SYNJ2: variants seen among roughly 807,000 people sequenced by gnomAD.
The protein encoded by SYNJ2 is polyphosphatidylinositol phosphatase SYNJ2.
A neutral mutation model predicts 141.3 loss-of-function variants in SYNJ2; 116 were observed. The ratio of observed to expected loss-of-function variants is 0.82; its 90% CI spans 0.71 to 0.96. The LOEUF (loss-of-function observed/expected upper bound fraction) is 0.96, where lower values mean the gene tolerates loss of function less well. Ranked by LOEUF, SYNJ2 falls within the 40% of genes least tolerant of loss-of-function variation. SYNJ2 has a pLI of 0.00. For synonymous variants in SYNJ2, 745 were observed against 777.7 expected (o/e 0.96, Z 0.70); for missense variants, 1,873 against 1,934.8 (o/e 0.97, Z 0.60).
chr6:158,088,034 ATTTTTTTTTTTTTTTTTTTTTTT>A (rs568222551), intron 23 of SYNJ2, among the ~76,000 whole-genome samples: 9 of 31,922 alleles, frequency 2.8e-4, no homozygotes, highest in East Asian at 3.4e-3. Context: ...CTGCTTTGGA[ATTTTTTTTTTTTTTTTTTTTTTT>A]TTTTTTTTTT....
rs1583419228 is a variant in SYNJ2 at position 158,054,847 on chromosome 6, G to T, written c.796-120G>T. On this transcript the variant is annotated intron_variant, in intron 5 of 26. Transcript: ENST00000355585. ...TCCTGAGCCCTGAAGAGACCACAGAGGTGGCCTAGTGGGTGCCACATGCAG... is the reference window on the plus strand; with the variant it reads ...TCCTGAGCCCTGAAGAGACCACAGATGTGGCCTAGTGGGTGCCACATGCAG... 1.4e-5 allele frequency: 13 copies of T among 930,764 alleles called. No individual in the cohort carries two copies. In the East Asian group the frequency reaches 3.4e-4, roughly 24 times the overall value. 57.7% of individuals were successfully genotyped at this position (930,764 alleles called of 1,614,324 possible).
rs1174211767 is a variant in SYNJ2 at position 158,070,009 on chromosome 6, G to A, written c.1940+336G>A. The A allele has an allele frequency of 1.2e-5, 6 of 487,504 alleles. No individual in the cohort carries two copies. The highest frequency in any genetic ancestry group is 8.8e-4 in the Middle Eastern group (1 of 1,130). The allele number at this position is 487,504 out of a possible 1,614,324, so 30.2% of individuals were successfully genotyped here. Reference sequence around the variant, plus strand: ...CAGGAAACCTCTGACCAAGAGCTGAGTAACTCACTGGGAAATGCCAACTCT... The same window carrying A: ...CAGGAAACCTCTGACCAAGAGCTGAATAACTCACTGGGAAATGCCAACTCT... On this transcript the variant is annotated intron_variant, in intron 14 of 26. Coordinates refer to ENST00000355585, the MANE Select transcript of SYNJ2 (RefSeq NM_003898.4). The surrounding 1 kb of genome is among the most constrained non-coding windows in gnomAD (Gnocchi z 4.0).
Position 158,033,499 on chromosome 6 carries a change from G to T in SYNJ2, c.530G>T (p.Cys177Phe). 1.9e-6 allele frequency: 3 copies of T among 1,614,234 alleles called. No individual in the cohort carries two copies. In the East Asian group the frequency reaches 6.7e-5, roughly 36 times the overall value. ...HVPLRQHQVS[C>F]CDWLLKIICG... ...CCCTTGAGGCAGCACCAGGTGAGCTGCTGTGACTGGCTGCTGAAGATCATC... is the reference window on the plus strand; with the variant it reads ...CCCTTGAGGCAGCACCAGGTGAGCTTCTGTGACTGGCTGCTGAAGATCATC... Residue 177 changes from cysteine (C) to phenylalanine (F), a missense_variant, in exon 4 of 27, where the codon TGC (cysteine) becomes TTC (phenylalanine). Coordinates refer to ENST00000355585, the MANE Select transcript of SYNJ2 (RefSeq NM_003898.4).
Position 158,096,413 on chromosome 6 carries a change from C to G in SYNJ2, c.*49C>G, listed in dbSNP as rs1206400824. The G allele has an allele frequency of 4.6e-6, 7 of 1,517,148 alleles. No individual in the cohort carries two copies. The East Asian group carries it at 9.1e-5, about 20-fold the overall frequency. 94.0% of individuals were successfully genotyped at this position (1,517,148 alleles called of 1,614,324 possible). A position where few individuals can be genotyped will look rare whatever the true frequency, so the allele number is the denominator to read the frequency against. ...TCCTATAGAATGCATACCTTCCTCC[C>G]TCTAGACATCCCTCCACCAGAAGAG... is the stretch of plus-strand genomic sequence containing the variant. On this transcript the variant is annotated 3_prime_UTR_variant, in exon 27 of 27. Coordinates refer to ENST00000355585, the MANE Select transcript of SYNJ2 (RefSeq NM_003898.4).
At chr6:158,011,568 T>C (rs1778271701) in intron 1 of SYNJ2, among the ~76,000 whole-genome samples, 1 of 152,166 alleles carries the variant, frequency 6.6e-6, no homozygotes, top group Admixed American at 6.5e-5. Context: ...GTTTTTAAAA[T>C]ATGAGGATAG....
At chr6:158,056,296 G>A (rs1180508043) in intron 6 of SYNJ2, among the ~76,000 whole-genome samples, 1 of 152,164 alleles carries the variant, frequency 6.6e-6, no homozygotes, top group Non-Finnish European at 1.5e-5. Context: ...CAGAGAATGA[G>A]ACCTCTCTCT....
chr6:158,080,521 C>G (rs1256519078), intron 18 of SYNJ2, among the ~76,000 whole-genome samples: 1 of 148,476 alleles, frequency 6.7e-6, no homozygotes, highest in Non-Finnish European at 1.5e-5. Context: ...TTTTTTTTTC[C>G]CTCCCATCAA....
intron 9 of SYNJ2, among the ~76,000 whole-genome samples, chr6:158,064,119 C>T (rs537022730): frequency 2.6e-4 from 40 of 152,330 alleles, no homozygotes; most frequent in Non-Finnish European, 4.7e-4. Flanking sequence ...CATGGTGGCC[C>T]AAAGGCTCCT....
chr6:158,091,741 C>A (rs1783466159), intron 25 of SYNJ2, among the ~76,000 whole-genome samples: 1 of 142,564 alleles, frequency 7.0e-6, no homozygotes, highest in African/African-American at 2.7e-5. Flanking sequence ...CAGAGCTAGA[C>A]TCTGTCTCAT....
rs765829961 is a variant in SYNJ2 at position 158,086,954 on chromosome 6, G to A, written c.3308G>A (p.Arg1103Gln). Residue 1103 changes from arginine (R) to glutamine (Q), a missense_variant, in exon 23 of 27, where the codon CGG becomes CAG. Arg to Gln is a conservative substitution (Grantham distance 43). Coordinates refer to ENST00000355585, the MANE Select transcript of SYNJ2 (RefSeq NM_003898.4). ...SRSLSVPNRP[R>Q]PPQPPQRPPP... ...TCTCTGTCGGTCCCCAACCGGCCTC[G>A]GCCACCTCAACCCCCGCAGAGACCC... The A allele has an allele frequency of 6.9e-6, 11 of 1,603,008 alleles. No individual in the cohort carries two copies. The highest frequency in any genetic ancestry group is 5.0e-5 in the Admixed American group (3 of 59,894).
chr6:158,093,979 C>A, intron 26 of SYNJ2: 2 of 765,308 alleles, frequency 2.6e-6, no homozygotes, highest in Non-Finnish European at 4.8e-6. Context: ...CAAAGACTGG[C>A]ATCTGTAGAC....
chr6:158,095,320 C>T (rs1287648917), intron 26 of SYNJ2, among the ~76,000 whole-genome samples: 1 of 152,074 alleles, frequency 6.6e-6, no homozygotes, highest in African/African-American at 2.4e-5. Flanking sequence ...AGAGCATCAC[C>T]CCATTTCCTA....
intron 18 of SYNJ2, among the ~76,000 whole-genome samples, chr6:158,080,803 T>G (rs893881807): frequency 6.6e-6 from 1 of 152,220 alleles, no homozygotes; most frequent in Non-Finnish European, 1.5e-5. Flanking sequence ...GATACATCTT[T>G]AAGGTGCCAC....
chr6:158,036,741 T>C (rs1246499346), intron 4 of SYNJ2, among the ~76,000 whole-genome samples: 1 of 152,188 alleles, frequency 6.6e-6, no homozygotes. Flanking sequence ...CGTTTACCTA[T>C]GTAACAAACC....
chr6:158,030,903 TAAATA>T (rs1227979312), intron 3 of SYNJ2: 1 of 152,084 alleles, frequency 6.6e-6, no homozygotes, highest in African/African-American at 2.4e-5. Flanking sequence ...TCAAAATAAA[TAAATA>T]AAATAAAATA....
intron 1 of SYNJ2, among the ~76,000 whole-genome samples, chr6:158,007,026 C>T (rs567477103): frequency 6.6e-5 from 10 of 152,052 alleles, no homozygotes; most frequent in Admixed American, 2.0e-4. Flanking sequence ...ATTGCAGTGG[C>T]GCAATCATGG....
At chr6:158,008,669 C>T (rs1005653072) in intron 1 of SYNJ2, among the ~76,000 whole-genome samples, 9 of 152,248 alleles carry the variant, frequency 5.9e-5, no homozygotes, top group African/African-American at 1.4e-4. Flanking sequence ...TGGAAAGTTC[C>T]GCAACTAAAA....
chr6:158,061,885 C>A, intron 7 of SYNJ2, 107 bp from the exon 8 acceptor site: 1 of 1,134,318 alleles, frequency 8.8e-7, no homozygotes, highest in Non-Finnish European at 1.3e-6. Context: ...GCACGTCCTG[C>A]GGCGAGTCAC....
Position 158,071,716 on chromosome 6 carries a change from C to A in SYNJ2, c.2055C>A (p.His685Gln). 6.2e-7 allele frequency: 1 copy of A among 1,614,120 alleles called. No individual in the cohort carries two copies. Among genetic ancestry groups the A allele is most frequent in the African/African-American group, 1.3e-5 (1 of 75,066 alleles). Residue 685 changes from histidine (H) to glutamine (Q), a missense_variant, in exon 15 of 27, where the codon CAC (histidine) becomes CAA (glutamine). Transcript: ENST00000355585. The surrounding 1 kb of genome is among the most constrained non-coding windows in gnomAD (Gnocchi z 4.3). ...CCAGCTTCTGCTTCATATGTAGTCA[C>A]CTGACGGCCGGGCAGTCCCAGGTGA... ...HSTSFCFICS[H>Q]LTAGQSQVKE...
Sources: allele counts gnomAD v4.1 joint callset (sites outside exome capture counted in the v4.1 genomes callset), GRCh38; gene constraint gnomAD v4.1.1; non-coding constraint Gnocchi (gnomAD v3.1); transcripts MANE v1.5; gene names NCBI Gene and HGNC (gene_info 2026-07-23, HGNC 2026-07-21).